The following NXN variants were observed in gnomAD, a reference collection of about 807,000 sequenced individuals.
NXN encodes the protein nucleoredoxin, also known as nucleoredoxin 1.
NXN carries 16 observed loss-of-function variants against 48.6 expected under a neutral mutation model. That is an observed-to-expected ratio of 0.33 (90% CI 0.22 to 0.50). The LOEUF (loss-of-function observed/expected upper bound fraction) is 0.50. NXN is among the 20% of genes least tolerant of loss of function. The probability of loss-of-function intolerance (pLI) is 0.98; values close to 1 mark genes in which losing one functional copy is unlikely to be tolerated. For missense variants in NXN, 492 were observed against 605.5 expected (o/e 0.81, Z 1.97); for synonymous variants, 281 against 269.6 (o/e 1.04, Z -0.41).
chr17:882,484 G>GTTTTC (rs397790644), intron 1 of NXN, among the ~76,000 whole-genome samples: 1 of 152,004 alleles, frequency 6.6e-6, no homozygotes, highest in Non-Finnish European at 1.5e-5. Context: ...GTTTTGTTTT[G>GTTTTC]AGATGGAGTC....
In NXN at chr17:864,021, T is replaced by C. The variant is rs1304302981; in HGVS notation, c.361-37943A>G. ...GGTGAAAGGACACAGTTACCGTTGC[T>C]GGGTTCCGGTGAAGGGACACGTCTG... On this transcript the variant is annotated intron_variant, in intron 1 of 7. Coordinates refer to ENST00000336868, the MANE Select transcript of NXN (RefSeq NM_022463.5). The C allele has an allele frequency of 5.2e-6, 8 of 1,535,570 alleles. No individual in the cohort carries two copies. In the Admixed American group the frequency reaches 1.4e-4, roughly 26 times the overall value.
chr17:924,298 G>C (rs886251640), intron 1 of NXN, among the ~76,000 whole-genome samples: 2 of 152,146 alleles, frequency 1.3e-5, no homozygotes. Flanking sequence ...GTGCAATGGC[G>C]CGATCTCGGC....
At chr17:863,538 G>A (rs1022077552) in intron 1 of NXN, among the ~76,000 whole-genome samples, 1 of 151,866 alleles carries the variant, frequency 6.6e-6, no homozygotes, top group Non-Finnish European at 1.5e-5. Flanking sequence ...ACATCTCACT[G>A]CCGCCTCAAC....
intron 1 of NXN, among the ~76,000 whole-genome samples, chr17:871,307 G>T (rs1468111078): frequency 4.0e-5 from 6 of 151,724 alleles, no homozygotes; most frequent in Non-Finnish European, 1.5e-5. Context: ...TGACCTCAAT[G>T]ATGAGGCCAA....
In NXN at chr17:849,416, C is replaced by A. The variant is rs192380668; in HGVS notation, c.361-23338G>T. On this transcript the variant is annotated intron_variant, in intron 1 of 7. Coordinates refer to ENST00000336868, the MANE Select transcript of NXN (RefSeq NM_022463.5). This position sits in a 1 kb window ranked among gnomAD's most constrained non-coding sequence, Gnocchi z 4.2. ...GGCGTGGTGGCAGGTACCTGTAATC[C>A]CAGCTACTCAGGAGGCTGAGGCAGA... 2.6e-5 allele frequency among the ~76,000 whole-genome samples: 4 copies of A among 152,092 alleles called. No homozygotes were observed. Among genetic ancestry groups the A allele is most frequent in the Non-Finnish European group, 5.9e-5 (4 of 67,986 alleles).
chr17:809,826 G>A (rs933902172), intron 5 of NXN, among the ~76,000 whole-genome samples: 2 of 152,060 alleles, frequency 1.3e-5, no homozygotes, highest in African/African-American at 4.8e-5. Context: ...TGTGAGCGGC[G>A]GGCACCTTAC....
chr17:970,713 A>G (rs2069365548), intron 1 of NXN, among the ~76,000 whole-genome samples: 1 of 152,230 alleles, frequency 6.6e-6, no homozygotes. Context: ...AAGGGAGTTC[A>G]GCCAAGCTCT....
intron 1 of NXN, among the ~76,000 whole-genome samples, chr17:836,649 C>T (rs902782102): frequency 6.6e-6 from 1 of 152,192 alleles, no homozygotes; most frequent in Non-Finnish European, 1.5e-5. Context: ...TAGTGGGTGA[C>T]CCTGGTGAGG....
chr17:801,061 T>A lies in NXN; in HGVS notation c.1196A>T (p.Asp399Val). ...PEAAPLLTIL[D>V]MSARAKYVMD... ...CACGTACTTGGCCCGGGCTGACATG[T>A]CCAGGATGGTGAGCAAAGGGGCAGC... Residue 399 changes from aspartate (D) to valine (V), a missense_variant, in exon 8 of 8, where the codon GAC becomes GTC. Physicochemically the swap from Asp to Val is radical, Grantham distance 152 (BLOSUM62 -3). Coordinates refer to ENST00000336868, the MANE Select transcript of NXN (RefSeq NM_022463.5). 6.3e-7 allele frequency: 1 copy of A among 1,579,208 alleles called. No individual in the cohort carries two copies. The highest frequency in any genetic ancestry group is 8.6e-7 in the Non-Finnish European group (1 of 1,161,962).
intron 5 of NXN, among the ~76,000 whole-genome samples, chr17:812,674 GTGTAGGTGTGTGCACATATGAA>G: frequency 6.6e-6 from 1 of 151,274 alleles, no homozygotes; most frequent in Non-Finnish European, 1.5e-5. Context: ...GTGTGTGTGA[GTGTAGGTGTGTGCACATATGAA>G]TGTAGGTGTT....
rs2068721300 is a variant in NXN, at chr17:919,275, A to G, written c.360+60044T>C. Among the ~76,000 whole-genome samples, 1 of 152,074 alleles carries G rather than the reference A, an allele frequency of 6.6e-6. No individual in the cohort carries two copies. Among genetic ancestry groups the G allele is most frequent in the African/African-American group, 2.4e-5 (1 of 41,400 alleles). ...TTCCTTGGGAGGCTGAAGCAGGAGAATAGCTTGAACTAGGGAGGCAGAGGT... is the reference window on the plus strand; with the variant it reads ...TTCCTTGGGAGGCTGAAGCAGGAGAGTAGCTTGAACTAGGGAGGCAGAGGT... On this transcript the variant is annotated intron_variant, in intron 1 of 7. Transcript: ENST00000336868. This position sits in a 1 kb window ranked among gnomAD's most constrained non-coding sequence, Gnocchi z 5.1.
In NXN at chr17:843,587, G is replaced by A. The variant is rs574855277; in HGVS notation, c.361-17509C>T. ...GTGCTCAGGAGAGATCTTAAGAAGC[G>A]GCTGGGAGTTTGCATAGGAGGGGGA... On this transcript the variant is annotated intron_variant, in intron 1 of 7. Transcript: ENST00000336868. 1.6e-3 allele frequency among the ~76,000 whole-genome samples: 248 copies of A among 152,336 alleles called. 1 individual carries two copies. Among genetic ancestry groups the A allele is most frequent in the South Asian group, 9.5e-3 (46 of 4,830 alleles).
intron 1 of NXN, among the ~76,000 whole-genome samples, chr17:871,399 C>CTTTT (rs11345310): frequency 2.4e-4 from 24 of 101,708 alleles, no homozygotes; most frequent in African/African-American, 5.8e-4. Context: ...TACGCATTCA[C>CTTTT]TTTTTTTTTT....
intron 1 of NXN, among the ~76,000 whole-genome samples, chr17:908,747 G>A (rs956086273): frequency 3.1e-4 from 47 of 152,122 alleles, no homozygotes; most frequent in African/African-American, 1.1e-3. Flanking sequence ...GCCATTAGGT[G>A]TAGGATCCAT....
intron 1 of NXN, among the ~76,000 whole-genome samples, chr17:971,274 G>C (rs1377439143): frequency 6.6e-6 from 1 of 151,784 alleles, no homozygotes; most frequent in Admixed American, 6.6e-5. Context: ...TCAGATATTT[G>C]ACATTTCAAA....
intron 1 of NXN, among the ~76,000 whole-genome samples, chr17:872,145 G>T (rs556722694): frequency 6.6e-6 from 1 of 151,704 alleles, no homozygotes; most frequent in Non-Finnish European, 1.5e-5. Flanking sequence ...CCAAGCTGCC[G>T]AATGCTCAGA....
At chr17:895,795 G>GCGGCAGAGCAAGACTCCGTC (rs1567853109) in intron 1 of NXN, among the ~76,000 whole-genome samples, 1 of 120,290 alleles carries the variant, frequency 8.3e-6, no homozygotes, top group African/African-American at 2.6e-5. Flanking sequence ...TCCAGCCTGG[G>GCGGCAGAGCAAGACTCCGTC]TTTTGTTTGT....
In NXN at chr17:831,478, T is replaced by TTTATTTATTTATTTA. The variant is rs10675426; in HGVS notation, c.361-5401_361-5400insTAAATAAATAAATAA. On this transcript the variant is annotated intron_variant, in intron 1 of 7. Coordinates refer to ENST00000336868, the MANE Select transcript of NXN (RefSeq NM_022463.5). Reference sequence around the variant, plus strand: ...ATTCATTTATTTATTTATTTATTTATTTATTATTTTGAGATGGAGTCTTGC... The same window carrying TTTATTTATTTATTTA: ...ATTCATTTATTTATTTATTTATTTATTTATTTATTTATTTATTATTATTTTGAGATGGAGTCTTGC... 2.5e-3 allele frequency among the ~76,000 whole-genome samples: 254 copies of TTTATTTATTTATTTA among 100,640 alleles called. 1 individual carries two copies. Among genetic ancestry groups the TTTATTTATTTATTTA allele is most frequent in the African/African-American group, 5.4e-3 (136 of 25,282 alleles). The allele number at this position is 100,640 out of a possible 152,430, so 66.0% of individuals were successfully genotyped here. A position where few individuals can be genotyped will look rare whatever the true frequency, so the allele number is the denominator to read the frequency against.
At chr17:886,448 G>A (rs1048345704) in intron 1 of NXN, among the ~76,000 whole-genome samples, 4 of 152,146 alleles carry the variant, frequency 2.6e-5, no homozygotes, top group African/African-American at 9.7e-5. Flanking sequence ...TTCCCTGGGA[G>A]GCTGGCAGCG....
Sources: allele counts gnomAD v4.1 joint callset (sites outside exome capture counted in the v4.1 genomes callset), GRCh38; gene constraint gnomAD v4.1.1; non-coding constraint Gnocchi (gnomAD v3.1); transcripts MANE v1.5; gene names NCBI Gene and HGNC (gene_info 2026-07-23, HGNC 2026-07-21).